The following KIAA1210 variants were observed in gnomAD, a reference collection of about 807,000 sequenced individuals.
KIAA1210 encodes acrosomal protein KIAA1210.
A neutral mutation model predicts 78.9 loss-of-function variants in KIAA1210; 48 were observed. The ratio of observed to expected loss-of-function variants is 0.61; its 90% CI spans 0.48 to 0.77. The LOEUF is 0.77. Among genes scored for constraint, KIAA1210 ranks in the 30% least tolerant of loss-of-function variants. The pLI, the probability that KIAA1210 is intolerant of heterozygous loss-of-function variation, is 0.00. For synonymous variants in KIAA1210, 406 were observed against 404.5 expected (o/e 1.00, Z -0.04); for missense variants, 1,108 against 1,100.0 (o/e 1.01, Z -0.10).
At chrX:119,098,657 A>G (rs1189713502) in intron 6 of KIAA1210, among the ~76,000 whole-genome samples, 1 of 108,611 alleles carries the variant, frequency 9.2e-6, no homozygotes, top group Non-Finnish European at 1.9e-5. Context: ...TTCCCTGGCC[A>G]ATCTATTTAA....
At chrX:119,109,285 C>A in intron 3 of KIAA1210, 83 bp from the exon 4 acceptor site, 1 of 922,764 alleles carries the variant, frequency 1.1e-6, no homozygotes, top group South Asian at 2.5e-5. Context: ...ATATGGCCTA[C>A]CATAGATACC....
At chrX:119,126,694 G>A (rs1928656684) in intron 1 of KIAA1210, among the ~76,000 whole-genome samples, 1 of 112,086 alleles carries the variant, frequency 8.9e-6, no homozygotes, top group Non-Finnish European at 1.9e-5. Context: ...CATTGTCCCA[G>A]AATGAATGGC....
intron 10 of KIAA1210, among the ~76,000 whole-genome samples, chrX:119,084,804 C>T (rs1927080043): frequency 8.9e-6 from 1 of 112,166 alleles, no homozygotes; most frequent in African/African-American, 3.2e-5. Flanking sequence ...CAACCAATTT[C>T]GTGGAGCCTT....
At chrX:119,121,087 T>C (rs1928442915) in intron 2 of KIAA1210, among the ~76,000 whole-genome samples, 1 of 111,525 alleles carries the variant, frequency 9.0e-6, no homozygotes, top group Non-Finnish European at 1.9e-5. Flanking sequence ...GGGAGTGAGA[T>C]ACAAAGCTGG....
intron 5 of KIAA1210, among the ~76,000 whole-genome samples, chrX:119,107,239 T>G (rs951745501): frequency 8.9e-6 from 1 of 112,964 alleles, no homozygotes; most frequent in African/African-American, 3.2e-5. Flanking sequence ...CACTTCCTTG[T>G]GAGAAGTAAT....
intron 2 of KIAA1210, among the ~76,000 whole-genome samples, chrX:119,119,742 C>T (rs1250676275): frequency 3.6e-5 from 4 of 110,022 alleles, no homozygotes; most frequent in Non-Finnish European, 5.7e-5. Flanking sequence ...TTTGGGAGGC[C>T]GAGGCGGGCG....
chrX:119,127,174 C>T (rs974700317), intron 1 of KIAA1210, among the ~76,000 whole-genome samples: 11 of 110,225 alleles, frequency 1.0e-4, no homozygotes, highest in Non-Finnish European at 1.9e-4. Flanking sequence ...ATAAACACAG[C>T]AGCACCCCCA....
chrX:119,111,726 C>T (rs1014310120), intron 3 of KIAA1210, among the ~76,000 whole-genome samples: 1 of 110,974 alleles, frequency 9.0e-6, no homozygotes, highest in Non-Finnish European at 1.9e-5. Flanking sequence ...GCACTTTCTG[C>T]ACATGTATCC....
rs1196391594 is a variant in KIAA1210, at chrX:119,150,510, A to G, written c.70T>C (p.Tyr24His). ...TCCCTGGGGCCCAGGTGAGCCAGGT[A>G]GGGGTGCCGGCCAGGAAGGAGAGAA... Residue 24 changes from tyrosine (Y) to histidine (H), a missense_variant, in exon 1 of 14, where the codon TAC becomes CAC. Coordinates refer to the KIAA1210 transcript ENST00000402510. The G allele has an allele frequency of 3.1e-5, 38 of 1,209,037 alleles. No homozygotes were observed. The highest frequency in any genetic ancestry group is 3.7e-5 in the Non-Finnish European group (33 of 894,910).
intron 2 of KIAA1210, among the ~76,000 whole-genome samples, chrX:119,144,037 G>A (rs1369671695): frequency 8.9e-6 from 1 of 112,448 alleles, no homozygotes; most frequent in Admixed American, 9.4e-5. Flanking sequence ...CTGCCTAAGT[G>A]GCTGAACCGT....
chrX:119,108,988 TC>T (rs1927985145), intron 4 of KIAA1210, 87 bp downstream of exon 4: 2 of 1,020,053 alleles, frequency 2.0e-6, no homozygotes, highest in Admixed American at 4.7e-5. Flanking sequence ...AGAACCAAGT[TC>T]CCACTCCTTT....
chrX:119,089,156 G>A lies in KIAA1210; in HGVS notation c.1546C>T (p.Gln516Ter). 1 of 1,211,072 alleles carries A rather than the reference G, an allele frequency of 8.3e-7. No individual in the cohort carries two copies. Among genetic ancestry groups the A allele is most frequent in the Non-Finnish European group, 1.1e-6 (1 of 894,917 alleles). ...EAILSVAAEA[Q>*]VFMNPSHIQL... Reference sequence around the variant, plus strand: ...ATATGAGAAGGATTCATAAACACCTGAGCCTCTGCTGCTACTGAGAGAATG... The same window carrying A: ...ATATGAGAAGGATTCATAAACACCTAAGCCTCTGCTGCTACTGAGAGAATG... The change falls in exon 9 of 12, where the codon CAG becomes TAG. Residue 516 changes from glutamine to a stop codon, truncating the protein, a stop_gained. Coordinates refer to ENST00000691062, the MANE Select transcript of KIAA1210 (RefSeq NM_001394962.1). LOFTEE classifies it high-confidence loss of function.
chrX:119,100,899 A>T lies in KIAA1210; in HGVS notation c.648+4093T>A, dbSNP rs769462673. ...CTGTGTTTTAGAGAGAGTTTAGCAC[A>T]GATATCTTCAGATTAATATCTGGAA... On this transcript the variant is annotated intron_variant, in intron 6 of 11. Coordinates refer to ENST00000691062, the MANE Select transcript of KIAA1210 (RefSeq NM_001394962.1). 8.0e-5 allele frequency among the ~76,000 whole-genome samples: 9 copies of T among 112,459 alleles called. No individual in the cohort carries two copies. The South Asian group carries it at 2.2e-3, about 28-fold the overall frequency.
rs1477906818 is a variant in KIAA1210 at position 119,081,448 on chromosome X, GT to G, written c.4482del (p.Lys1494AsnfsTer62). 8.3e-7 allele frequency: 1 copy of G among 1,208,267 alleles called. No individual in the cohort carries two copies. Among genetic ancestry groups the G allele is most frequent in the Non-Finnish European group, 1.1e-6 (1 of 894,469 alleles). ...AACTTGGCTGGGAGAGTTGAAGATC[GT>G]TTGGTTTCTTTTTCCATGGCAGGAA... ...LQVPAMEKET[K>X]RSSTLPAKFQ... On this transcript the variant is annotated frameshift_variant, in exon 12 of 12. Coordinates refer to ENST00000691062, the MANE Select transcript of KIAA1210 (RefSeq NM_001394962.1). LOFTEE classifies it low-confidence loss of function (END_TRUNC).
upstream of KIAA1210, among the ~76,000 whole-genome samples, chrX:119,128,898 C>T (rs756576964): frequency 5.5e-4 from 61 of 111,877 alleles, no homozygotes; most frequent in African/African-American, 1.9e-3. Context: ...TGGTCTCAAA[C>T]TCCCGACCTC....
intron 1 of KIAA1210, among the ~76,000 whole-genome samples, chrX:119,125,296 C>A (rs1928593595): frequency 9.0e-6 from 1 of 111,086 alleles, no homozygotes; most frequent in Admixed American, 9.7e-5. Context: ...TTTGGCAATA[C>A]CTATCAAAAT....
Position 119,088,062 on chromosome X carries a change from C to A in KIAA1210, c.2640G>T (p.Gln880His). The stretch of plus-strand genomic sequence containing the variant: ...CCAGGAACTTAGGCCTCTCCGAGGG[C>A]TGGGAAAGGCATCTGGGAGGCAGCG... ...VEPLPPRCLS[Q>H]PSERPKFLDS... The change falls in exon 9 of 12, where the codon CAG becomes CAT. Residue 880 changes from glutamine to histidine, a missense_variant. By Grantham distance (24) the Gln-to-His change is conservative. This residue lies in a region of KIAA1210 where 179 missense variants were observed against 174.1 expected (regional missense o/e 1.03). Transcript: ENST00000691062. 8.3e-7 allele frequency: 1 copy of A among 1,211,233 alleles called. No individual in the cohort carries two copies. The highest frequency in any genetic ancestry group is 1.7e-5 in the African/African-American group (1 of 57,663).
At chrX:119,110,971 G>A (rs1486469876) in intron 3 of KIAA1210, among the ~76,000 whole-genome samples, 1 of 109,394 alleles carries the variant, frequency 9.1e-6, no homozygotes, top group Non-Finnish European at 1.9e-5. Flanking sequence ...GAAATGCAAG[G>A]GACCACAAAT....
At chrX:119,134,753 G>C (rs989974111) in intron 2 of KIAA1210, among the ~76,000 whole-genome samples, 16 of 112,309 alleles carry the variant, frequency 1.4e-4, no homozygotes, top group Admixed American at 1.9e-4. Context: ...TTGTCATCCA[G>C]TGAACATGCA....
Sources: allele counts gnomAD v4.1 joint callset (sites outside exome capture counted in the v4.1 genomes callset), GRCh38; gene constraint gnomAD v4.1.1; regional missense constraint gnomAD v4.1.1; transcripts MANE v1.5; gene names NCBI Gene and HGNC (gene_info 2026-07-23, HGNC 2026-07-21).